Variants in CERKL observed in about 807,000 individuals in gnomAD.
CERKL encodes the protein CERK like autophagy regulator, also known as ceramide kinase-like protein.
In CERKL, 61 loss-of-function variants were observed where a neutral mutation model predicts 63.4. The ratio of observed to expected loss-of-function variants is 0.96; its 90% CI spans 0.78 to 1.19. The LOEUF (loss-of-function observed/expected upper bound fraction) is 1.19. CERKL is among the 50% of genes most tolerant of loss of function. The probability of loss-of-function intolerance (pLI) is 0.00; values close to 1 mark genes in which losing one functional copy is unlikely to be tolerated. For missense variants in CERKL, 675 were observed against 655.5 expected (o/e 1.03, Z -0.33); for synonymous variants, 250 against 230.5 (o/e 1.08, Z -0.77).
chr2:181,643,070 C>G (rs568992561), intron 1 of CERKL, among the ~76,000 whole-genome samples: 31 of 152,138 alleles, frequency 2.0e-4, no homozygotes, highest in Non-Finnish European at 3.8e-4. Context: ...TCTGAAGTTC[C>G]TGATGTAAAA....
chr2:181,607,853 G>C (rs539257436), intron 1 of CERKL, among the ~76,000 whole-genome samples: 1 of 152,140 alleles, frequency 6.6e-6, no homozygotes, highest in Non-Finnish European at 1.5e-5. Flanking sequence ...GGTGTTACTG[G>C]GTGTCCGCTT....
Position 181,548,721 on chromosome 2 carries a change from T to G in CERKL, c.1032A>C (p.Gln344His). 1 of 1,614,074 alleles carries G rather than the reference T, an allele frequency of 6.2e-7. No individual in the cohort carries two copies. Among genetic ancestry groups the G allele is most frequent in the Admixed American group, 1.7e-5 (1 of 59,994 alleles). Residue 344 changes from glutamine to histidine, a missense_variant, in exon 7 of 13, where the codon CAA becomes CAC. Physicochemically the swap from Gln to His is conservative, Grantham distance 24 (BLOSUM62 0). Transcript: ENST00000410087. ...AEKYRWMSPNQRRDFAVVKAL... is the reference protein window; with the variant it reads ...AEKYRWMSPNHRRDFAVVKAL... ...CCTTAACAACAGCAAAATCTCTCCGTTGGTTAGGGGACATCCATCGATATT... is the reference window on the plus strand; with the variant it reads ...CCTTAACAACAGCAAAATCTCTCCGGTGGTTAGGGGACATCCATCGATATT...
chr2:181,654,452 AT>A (rs1210933099), intron 1 of CERKL, among the ~76,000 whole-genome samples: 1 of 152,216 alleles, frequency 6.6e-6, no homozygotes, highest in Non-Finnish European at 1.5e-5. Context: ...ATAGTATTTT[AT>A]TTCATCAGTG....
rs1424646110 is a variant in CERKL at position 181,537,822 on chromosome 2, T to TGTTA, written c.*358_*361dup. 1 of 478,540 alleles carries TGTTA rather than the reference T, an allele frequency of 2.1e-6. No homozygotes were observed. The highest frequency in any genetic ancestry group is 2.3e-5 in the Admixed American group (1 of 43,336). The allele number at this position is 478,540 out of a possible 1,614,324, so 29.6% of individuals were successfully genotyped here. Reference sequence around the variant, plus strand: ...GACTTTTAAAGCCCTAGAGGCTAATTGTTAGTAACATCAATTTCTATTAGG... The same window carrying TGTTA: ...GACTTTTAAAGCCCTAGAGGCTAATTGTTAGTTAGTAACATCAATTTCTATTAGG... On this transcript the variant is annotated 3_prime_UTR_variant, in exon 13 of 13. Transcript: ENST00000410087.
chr2:181,547,116 GC>G (rs1687761372), intron 10 of CERKL, among the ~76,000 whole-genome samples: 1 of 152,092 alleles, frequency 6.6e-6, no homozygotes, highest in African/African-American at 2.4e-5. Context: ...TGATTGTGGA[GC>G]CTCCCCAGCA....
intron 2 of CERKL, among the ~76,000 whole-genome samples, chr2:181,581,763 G>C (rs1366583299): frequency 1.3e-5 from 2 of 152,168 alleles, no homozygotes; most frequent in African/African-American, 4.8e-5. Context: ...GCCATATCCA[G>C]GGCTCAAGGT....
At chr2:181,540,926 C>T (rs1687478355) in intron 11 of CERKL, among the ~76,000 whole-genome samples, 1 of 152,092 alleles carries the variant, frequency 6.6e-6, no homozygotes, top group African/African-American at 2.4e-5. Context: ...CCTTAAAGAA[C>T]ATATAAGATT....
intron 2 of CERKL, among the ~76,000 whole-genome samples, chr2:181,575,332 C>T (rs916211802): frequency 2.4e-4 from 36 of 152,218 alleles, no homozygotes; most frequent in African/African-American, 8.7e-4. Context: ...CTCTCCTCGC[C>T]TTCCTCTGTT....
At position 181,538,027 on chromosome 2, in the gene CERKL, T is replaced by A. The variant is rs1010074164; in HGVS notation, c.*157A>T. On this transcript the variant is annotated 3_prime_UTR_variant, in exon 13 of 13. Coordinates refer to ENST00000410087, the MANE Select transcript of CERKL (RefSeq NM_201548.5). ...GAATCTAATGCCTGATGATCTGAGG[T>A]GGAACAGTTCATCCTGAAACCATTC... The A allele has an allele frequency of 1.2e-5, 8 of 694,066 alleles. No individual in the cohort carries two copies. The Admixed American group carries it at 1.6e-4, about 14-fold the overall frequency. The allele number at this position is 694,066 out of a possible 1,614,324, so 43.0% of individuals were successfully genotyped here. A position where few individuals can be genotyped will look rare whatever the true frequency, so the allele number is the denominator to read the frequency against.
chr2:181,569,422 G>T (rs570012916), intron 3 of CERKL, among the ~76,000 whole-genome samples: 2 of 152,256 alleles, frequency 1.3e-5, no homozygotes, highest in African/African-American at 4.8e-5. Context: ...AAGGCAAGAG[G>T]CATTTCCAAG....
intron 2 of CERKL, among the ~76,000 whole-genome samples, chr2:181,595,082 CTCTCA>C (rs1264907696): frequency 3.3e-5 from 5 of 152,140 alleles, no homozygotes; most frequent in African/African-American, 1.2e-4. Context: ...ATCCATTATA[CTCTCA>C]TCTAAGGATT....
chr2:181,592,406 G>T (rs182453502), intron 2 of CERKL, among the ~76,000 whole-genome samples: 261 of 152,150 alleles, frequency 1.7e-3, no homozygotes, highest in African/African-American at 6.0e-3. Flanking sequence ...CAGTATTTTA[G>T]AACCAGCCCT....
In CERKL at chr2:181,537,305, T is replaced by C. The variant is rs1485626001; in HGVS notation, c.*879A>G. On this transcript the variant is annotated 3_prime_UTR_variant, in exon 13 of 13. Coordinates refer to ENST00000410087, the MANE Select transcript of CERKL (RefSeq NM_201548.5). ...AAACAACTATATATTTCAGGTTATCTGAGCACAGTGAAAGCAGAGTACTAT... is the reference window on the plus strand; with the variant it reads ...AAACAACTATATATTTCAGGTTATCCGAGCACAGTGAAAGCAGAGTACTAT... 2.2e-6 allele frequency: 1 copy of C among 453,224 alleles called. No individual in the cohort carries two copies. Among genetic ancestry groups the C allele is most frequent in the African/African-American group, 2.0e-5 (1 of 49,964 alleles). The allele number at this position is 453,224 out of a possible 1,614,324, so 28.1% of individuals were successfully genotyped here.
At chr2:181,631,739 A>G (rs578218634) in intron 1 of CERKL, among the ~76,000 whole-genome samples, 12 of 152,292 alleles carry the variant, frequency 7.9e-5, no homozygotes, top group African/African-American at 2.6e-4. Context: ...AGGCCCAAAC[A>G]TGACTTAAGA....
At chr2:181,609,493 C>T (rs1349898095) in intron 1 of CERKL, among the ~76,000 whole-genome samples, 3 of 136,202 alleles carry the variant, frequency 2.2e-5, no homozygotes, top group African/African-American at 5.6e-5. Flanking sequence ...ATCAGAAGTT[C>T]GAGACCAGCC....
intron 3 of CERKL, among the ~76,000 whole-genome samples, chr2:181,567,241 AAAG>A (rs1282811549): frequency 2.0e-5 from 3 of 152,310 alleles, no homozygotes; most frequent in South Asian, 2.1e-4. Flanking sequence ...AAAGGTTATC[AAAG>A]AAGATGTGTG....
intron 1 of CERKL, among the ~76,000 whole-genome samples, chr2:181,609,698 T>C (rs1685881370): frequency 6.6e-6 from 1 of 151,774 alleles, no homozygotes; most frequent in East Asian, 1.9e-4. Context: ...TGAAACTCTG[T>C]CTCTAAATAA....
intron 11 of CERKL, among the ~76,000 whole-genome samples, chr2:181,542,958 G>A (rs567957359): frequency 1.3e-5 from 2 of 152,054 alleles, no homozygotes; most frequent in African/African-American, 2.4e-5. Flanking sequence ...TGCCCCATAG[G>A]CAATTTCAAA....
rs951669631 is a variant in CERKL, at chr2:181,656,876, T to C, written c.131A>G (p.Glu44Gly). The C allele has an allele frequency of 3.7e-6, 6 of 1,605,408 alleles. No individual in the cohort carries two copies. The highest frequency in any genetic ancestry group is 5.1e-6 in the Non-Finnish European group (6 of 1,174,942). The change falls in exon 1 of 13, where the codon GAG becomes GGG. Residue 44 changes from glutamate to glycine, a missense_variant. Transcript: ENST00000410087. The stretch of plus-strand genomic sequence containing the variant: ...GAAGATGCCCCGGAGCAGAATCCGC[T>C]CGGCCGCCGCCTCCGTCTGCTGCGG... ...TSPQQTEAAA[E>G]RILLRGIFEI...
Sources: gnomAD v4.1 joint callset for allele counts (sites outside exome capture counted in the v4.1 genomes callset) on GRCh38, gnomAD v4.1.1 for gene constraint, MANE v1.5 for transcripts, NCBI Gene and HGNC (gene_info 2026-07-23, HGNC 2026-07-21) for gene names.